NUP42: variants seen among roughly 807,000 people sequenced by gnomAD.
NUP42 encodes the protein nucleoporin NUP42.
In NUP42, 47 loss-of-function variants were observed where a neutral mutation model predicts 35.9. That is an observed-to-expected ratio of 1.31 (90% CI 1.04 to 1.67). NUP42 has a LOEUF of 1.67. Ranked by LOEUF, NUP42 falls within the 40% of genes most tolerant of loss-of-function variation. NUP42 has a pLI of 0.00. For missense variants in NUP42, 514 were observed against 492.2 expected, an observed-to-expected ratio of 1.04 and a Z score of -0.42; for synonymous variants, 173 against 173.3, an observed-to-expected ratio of 1.00 and a Z score of 0.01.
chr7:23,187,950 C>G (rs1322646747), intron 3 of NUP42: 1 of 568,418 alleles, frequency 1.8e-6, no homozygotes, highest in Non-Finnish European at 3.0e-6. Context: ...CTCTCTCTCT[C>G]TCTGGCCTGG....
intron 3 of NUP42, chr7:23,188,291 A>G (rs968127699): frequency 8.3e-7 from 1 of 1,201,420 alleles, no homozygotes; most frequent in Non-Finnish European, 1.0e-6. Context: ...CTTTTGTGCT[A>G]AGTGCTAGGA....
intron 6 of NUP42, 29 bp downstream of exon 6, chr7:23,199,571 C>A (rs770680270): frequency 1.0e-5 from 16 of 1,559,738 alleles, no homozygotes; most frequent in Non-Finnish European, 1.3e-5. Flanking sequence ...CAGGACTTCA[C>A]TGATTTAGAA....
Position 23,200,642 on chromosome 7 carries a change from G to C in NUP42, c.1169G>C (p.Arg390Thr). 1 of 1,613,826 alleles carries C rather than the reference G, an allele frequency of 6.2e-7. No homozygotes were observed. ...ACAGATAATGTGTTATTCACACCCA[G>C]AGATAAACTAACAGTAGAAGAACTG... Reference protein sequence around the residue: ...IATDNVLFTPRDKLTVEELEQ... With the variant: ...IATDNVLFTPTDKLTVEELEQ... Residue 390 changes from arginine to threonine, a missense_variant, in exon 7 of 7, where the codon AGA becomes ACA. Physicochemically the swap from Arg to Thr is moderately conservative, Grantham distance 71 (BLOSUM62 -1). Coordinates refer to ENST00000258742, the MANE Select transcript of NUP42 (RefSeq NM_007342.3).
At chr7:23,187,939 T>TG in intron 3 of NUP42, 1 of 401,728 alleles carries the variant, frequency 2.5e-6, no homozygotes, top group Non-Finnish European at 4.3e-6. Context: ...ATTCTCTGTC[T>TG]CTCTCTCTCT....
chr7:23,189,703 G>A (rs1308952851), intron 3 of NUP42, among the ~76,000 whole-genome samples: 1 of 151,942 alleles, frequency 6.6e-6, no homozygotes, highest in African/African-American at 2.4e-5. Flanking sequence ...ATGAGGTCAG[G>A]AGATGGAGAC....
chr7:23,192,567 A>G (rs1283887584), intron 3 of NUP42, among the ~76,000 whole-genome samples: 132 of 151,394 alleles, frequency 8.7e-4, no homozygotes, highest in African/African-American at 3.2e-3. Flanking sequence ...AAAAAAAGAA[A>G]AAGAAAATCA....
At chr7:23,193,687 G>A (rs562862535) in intron 3 of NUP42, among the ~76,000 whole-genome samples, 5 of 152,346 alleles carry the variant, frequency 3.3e-5, no homozygotes, top group Non-Finnish European at 7.3e-5. Context: ...TTCCACACCA[G>A]GGCCACAGGT....
At chr7:23,195,696 T>C in intron 3 of NUP42, 143 bp from the exon 4 acceptor site, 1 of 578,962 alleles carries the variant, frequency 1.7e-6, no homozygotes, top group Non-Finnish European at 3.0e-6. Context: ...AAACATTAAG[T>C]AGAGTGTAGG....
intron 2 of NUP42, among the ~76,000 whole-genome samples, chr7:23,185,865 A>G (rs914372073): frequency 1.3e-5 from 2 of 152,056 alleles, no homozygotes; most frequent in African/African-American, 4.8e-5. Context: ...TCAGCCTCCC[A>G]AGTAGCTGGG....
intron 4 of NUP42, 21 bp downstream of exon 4, chr7:23,195,936 T>A: frequency 6.9e-7 from 1 of 1,446,456 alleles, no homozygotes; most frequent in Non-Finnish European, 9.6e-7. Context: ...TTCCTATTAA[T>A]CTACTGCAAT....
At chr7:23,195,348 CTA>C (rs1223808858) in intron 3 of NUP42, 2 of 152,184 alleles carry the variant, frequency 1.3e-5, no homozygotes, top group African/African-American at 4.8e-5. Context: ...CATTTATTTA[CTA>C]TTTGATTTTT....
chr7:23,192,809 T>C (rs1443316824), intron 3 of NUP42, among the ~76,000 whole-genome samples: 1 of 152,186 alleles, frequency 6.6e-6, no homozygotes, highest in Non-Finnish European at 1.5e-5. Context: ...GGTCCACTTG[T>C]ACAGGGATGT....
Position 23,185,117 on chromosome 7 carries a change from G to A in NUP42, c.169G>A (p.Val57Ile). Residue 57 changes from valine to isoleucine, a missense_variant, in exon 2 of 7, where the codon GTC becomes ATC. Val to Ile is a conservative substitution (Grantham distance 29). Transcript: ENST00000258742. ...WNTTSQRYSNVIQPSSFSKST... is the reference protein window; with the variant it reads ...WNTTSQRYSNIIQPSSFSKST... The stretch of plus-strand genomic sequence containing the variant: ...TACAACTAGCCAGAGATATTCCAAT[G>A]TCATCCAGCCATCCAGTTTCTCCAA... 3.7e-6 allele frequency: 6 copies of A among 1,614,180 alleles called. No homozygotes were observed. The highest frequency in any genetic ancestry group is 5.1e-6 in the Non-Finnish European group (6 of 1,180,032).
At chr7:23,195,210 AACG>A (rs1785972520) in intron 3 of NUP42, 3 of 152,228 alleles carry the variant, frequency 2.0e-5, no homozygotes, top group Non-Finnish European at 2.9e-5. Flanking sequence ...TAATTCCCTT[AACG>A]GTAATTTAGG....
At chr7:23,192,984 C>G (rs1243023791) in intron 3 of NUP42, among the ~76,000 whole-genome samples, 1 of 152,016 alleles carries the variant, frequency 6.6e-6, no homozygotes, top group Non-Finnish European at 1.5e-5. Flanking sequence ...CAGATGTGTT[C>G]GGAGTTTATT....
Position 23,200,912 on chromosome 7 carries a change from G to C in NUP42, c.*167G>C, listed in dbSNP as rs1429399224. On this transcript the variant is annotated 3_prime_UTR_variant, in exon 7 of 7. Coordinates refer to ENST00000258742, the MANE Select transcript of NUP42 (RefSeq NM_007342.3). ...TTAACTCTAAATATTTAAGTAAAAA[G>C]TAACAAAAACTCTGCAAGCAAGGGA... 2 of 408,014 alleles carry C rather than the reference G, an allele frequency of 4.9e-6. No homozygotes were observed. Among genetic ancestry groups the C allele is most frequent in the African/African-American group, 4.1e-5 (2 of 48,582 alleles). 25.3% of individuals were successfully genotyped at this position (408,014 alleles called of 1,614,324 possible). A position where few individuals can be genotyped will look rare whatever the true frequency, so the allele number is the denominator to read the frequency against.
intron 3 of NUP42, among the ~76,000 whole-genome samples, chr7:23,192,075 C>A (rs1034926906): frequency 2.6e-5 from 4 of 152,142 alleles, no homozygotes; most frequent in Non-Finnish European, 4.4e-5. Context: ...TAGTATATTT[C>A]TTTCGAAACA....
At chr7:23,186,469 G>A (rs1297307216) in intron 2 of NUP42, among the ~76,000 whole-genome samples, 1 of 152,054 alleles carries the variant, frequency 6.6e-6, no homozygotes, top group Admixed American at 6.5e-5. Context: ...ATCTACCCAC[G>A]GCATTACCAC....
intron 3 of NUP42, chr7:23,188,063 A>T: frequency 6.9e-7 from 1 of 1,444,432 alleles, no homozygotes; most frequent in Non-Finnish European, 9.1e-7. Flanking sequence ...TGAAACCTAG[A>T]CCACCGGGCT....
Sources: allele counts gnomAD v4.1 joint callset (sites outside exome capture counted in the v4.1 genomes callset), GRCh38; gene constraint gnomAD v4.1.1; transcripts MANE v1.5; gene names NCBI Gene and HGNC (gene_info 2026-07-23, HGNC 2026-07-21).